GPR158: variants seen among roughly 807,000 people sequenced by gnomAD.
The protein encoded by GPR158 is G protein-coupled receptor 158.
In GPR158, 30 loss-of-function variants were observed where a neutral mutation model predicts 78.2. That is an observed-to-expected ratio of 0.38 (90% CI 0.29 to 0.52). GPR158 has a LOEUF of 0.52. Among genes scored for constraint, GPR158 ranks in the 20% least tolerant of loss-of-function variants. GPR158 has a pLI of 0.83. For synonymous variants in GPR158, 581 were observed against 591.1 expected, an observed-to-expected ratio of 0.98 and a Z score of 0.25; for missense variants, 1,463 against 1,523.5, an observed-to-expected ratio of 0.96 and a Z score of 0.66.
chr10:25,560,366 C>T (rs1483109430), intron 6 of GPR158, among the ~76,000 whole-genome samples: 1 of 152,100 alleles, frequency 6.6e-6, no homozygotes, highest in Non-Finnish European at 1.5e-5. Context: ...CCCGGGTTCA[C>T]ACCATTCTCC....
At chr10:25,514,365 T>C (rs960037746) in intron 5 of GPR158, among the ~76,000 whole-genome samples, 1 of 152,188 alleles carries the variant, frequency 6.6e-6, no homozygotes, top group Non-Finnish European at 1.5e-5. Flanking sequence ...GTATCTTTTA[T>C]CCTTGCCCTT....
rs535895102 is a variant in GPR158 at position 25,537,781 on chromosome 10, A to G, written c.1405-13195A>G. 3.9e-5 allele frequency among the ~76,000 whole-genome samples: 6 copies of G among 152,094 alleles called. No individual in the cohort carries two copies. The East Asian group carries it at 5.8e-4, about 15-fold the overall frequency. ...GCCATTCTCATGATAGTGAGTTCTC[A>G]TAAGATCAGGTTGTTTAAAAGTGTG... On this transcript the variant is annotated intron_variant, in intron 5 of 10. Coordinates refer to ENST00000376351, the MANE Select transcript of GPR158 (RefSeq NM_020752.3).
At chr10:25,533,688 A>G (rs1220504145) in intron 5 of GPR158, among the ~76,000 whole-genome samples, 1 of 152,202 alleles carries the variant, frequency 6.6e-6, no homozygotes, top group African/African-American at 2.4e-5. Flanking sequence ...ACTTCATTGA[A>G]CAAATTGGTC....
Position 25,248,406 on chromosome 10 carries a change from T to C in GPR158, c.1008+27249T>C, listed in dbSNP as rs544268398. Reference sequence around the variant, plus strand: ...TCCTTGCCCATGCCTATGTCCTGAATGGTAATGCCTAGGTTTTCTTCTAGG... The same window carrying C: ...TCCTTGCCCATGCCTATGTCCTGAACGGTAATGCCTAGGTTTTCTTCTAGG... On this transcript the variant is annotated intron_variant, in intron 2 of 10. Coordinates refer to ENST00000376351, the MANE Select transcript of GPR158 (RefSeq NM_020752.3). Among the ~76,000 whole-genome samples the C allele has an allele frequency of 1.4e-3, 211 of 152,286 alleles. 2 individuals are homozygous for C. The highest frequency in any genetic ancestry group is 5.0e-3 in the African/African-American group (207 of 41,512).
intron 2 of GPR158, among the ~76,000 whole-genome samples, chr10:25,262,605 A>T (rs1215708747): frequency 6.6e-6 from 1 of 152,184 alleles, no homozygotes; most frequent in Non-Finnish European, 1.5e-5. Flanking sequence ...AACCAAAATG[A>T]GTGGAAAGTA....
chr10:25,319,421 T>C (rs781652933), intron 2 of GPR158, among the ~76,000 whole-genome samples: 30 of 152,294 alleles, frequency 2.0e-4, no homozygotes, highest in Admixed American at 3.3e-4. Context: ...CACAATGTCT[T>C]CTACATAATG....
chr10:25,394,420 G>A (rs1834341881), intron 2 of GPR158, among the ~76,000 whole-genome samples: 1 of 152,178 alleles, frequency 6.6e-6, no homozygotes. Flanking sequence ...ACATGTTATA[G>A]TTACTTCTTT....
chr10:25,284,081 A>G (rs575852176), intron 2 of GPR158, among the ~76,000 whole-genome samples: 164 of 152,130 alleles, frequency 1.1e-3, no homozygotes, highest in Admixed American at 1.7e-3. Context: ...AATAAGATAT[A>G]TTCTGCTTTT....
At position 25,389,980 on chromosome 10, in the gene GPR158, G is replaced by A. The variant is rs545756803; in HGVS notation, c.1009-5931G>A. Among the ~76,000 whole-genome samples, 43 of 152,332 alleles carry A rather than the reference G, an allele frequency of 2.8e-4. No homozygotes were observed. The South Asian group carries it at 8.7e-3, about 31-fold the overall frequency. On this transcript the variant is annotated intron_variant, in intron 2 of 10. Coordinates refer to ENST00000376351, the MANE Select transcript of GPR158 (RefSeq NM_020752.3). ...CAGGTTTTTTCCATGCTGTTCTCAT[G>A]ATAGTGAATAAGTGTCATGAGATTT...
At chr10:25,281,507 G>T (rs1052712220) in intron 2 of GPR158, among the ~76,000 whole-genome samples, 1 of 151,974 alleles carries the variant, frequency 6.6e-6, no homozygotes, top group Non-Finnish European at 1.5e-5. Flanking sequence ...GAACCCAGGA[G>T]GTCAAGGCTG....
intron 2 of GPR158, among the ~76,000 whole-genome samples, chr10:25,295,041 A>G (rs560847011): frequency 2.0e-5 from 3 of 152,132 alleles, no homozygotes; most frequent in African/African-American, 7.2e-5. Context: ...TCATTAGGAG[A>G]TTTTCTTTAC....
At chr10:25,293,157 C>A (rs1309071567) in intron 2 of GPR158, among the ~76,000 whole-genome samples, 1 of 152,170 alleles carries the variant, frequency 6.6e-6, no homozygotes, top group East Asian at 1.9e-4. Context: ...AAGTTACCTC[C>A]TTTATATGCT....
At chr10:25,241,181 C>CT (rs1346753941) in intron 2 of GPR158, among the ~76,000 whole-genome samples, 15 of 75,728 alleles carry the variant, frequency 2.0e-4, no homozygotes, top group African/African-American at 8.6e-4. Flanking sequence ...TTCTTTCTTT[C>CT]TTTCTTTCCT....
chr10:25,471,568 A>G (rs1835503559), intron 5 of GPR158, among the ~76,000 whole-genome samples: 1 of 152,196 alleles, frequency 6.6e-6, no homozygotes, highest in Non-Finnish European at 1.5e-5. Context: ...ACTAGTTTAC[A>G]GTCCCACCAA....
At chr10:25,233,044 A>G (rs1031376698) in intron 2 of GPR158, among the ~76,000 whole-genome samples, 1 of 152,226 alleles carries the variant, frequency 6.6e-6, no homozygotes, top group Non-Finnish European at 1.5e-5. Flanking sequence ...GTTATTGTGC[A>G]TGAAGTAGAA....
intron 5 of GPR158, among the ~76,000 whole-genome samples, chr10:25,513,879 A>G (rs1836122881): frequency 6.6e-6 from 1 of 152,066 alleles, no homozygotes; most frequent in South Asian, 2.1e-4. Flanking sequence ...GTGGTCAGAG[A>G]GAGTACTTGA....
intron 5 of GPR158, among the ~76,000 whole-genome samples, chr10:25,497,470 G>C (rs1364359085): frequency 6.6e-6 from 1 of 152,182 alleles, no homozygotes; most frequent in Non-Finnish European, 1.5e-5. Context: ...CAATAGGGAA[G>C]CATTAACCAT....
At position 25,598,529 on chromosome 10, in the gene GPR158, G is replaced by T. The variant is rs372279227; in HGVS notation, c.2903G>T (p.Arg968Ile). 12 of 1,613,798 alleles carry T rather than the reference G, an allele frequency of 7.4e-6. No individual in the cohort carries two copies. The African/African-American group carries it at 1.6e-4, about 22-fold the overall frequency. Residue 968 changes from arginine to isoleucine, a missense_variant, in exon 11 of 11, where the codon AGA becomes ATA. Transcript: ENST00000376351. Reference protein sequence around the residue: ...PQNSNPAEEPRKPQKSGIMKQ... With the variant: ...PQNSNPAEEPIKPQKSGIMKQ... ...AACTCAAATCCTGCGGAGGAGCCAA[G>T]AAAGCCTCAGAAATCTGGGATTATG... is the stretch of plus-strand genomic sequence containing the variant.
At chr10:25,271,717 T>A (rs575738935) in intron 2 of GPR158, among the ~76,000 whole-genome samples, 1 of 152,308 alleles carries the variant, frequency 6.6e-6, no homozygotes, top group South Asian at 2.1e-4. Context: ...GGTGGAATGC[T>A]ATGGTGCGAT....
Sources: gnomAD v4.1 joint callset for allele counts (sites outside exome capture counted in the v4.1 genomes callset) on GRCh38, gnomAD v4.1.1 for gene constraint, MANE v1.5 for transcripts, NCBI Gene and HGNC (gene_info 2026-07-23, HGNC 2026-07-21) for gene names.